NR6A1: variants seen among roughly 807,000 people sequenced by gnomAD.
NR6A1 encodes the protein nuclear receptor subfamily 6 group A member 1.
Under a neutral mutation model 59.1 loss-of-function variants are expected in NR6A1, and 7 were observed. The ratio of observed to expected loss-of-function variants is 0.12; its 90% CI spans 0.07 to 0.22. NR6A1 has a LOEUF of 0.22. Among genes scored for constraint, NR6A1 ranks in the 10% least tolerant of loss-of-function variants. The probability of loss-of-function intolerance (pLI) is 1.00; values close to 1 mark genes in which losing one functional copy is unlikely to be tolerated. For missense variants in NR6A1, 468 were observed against 611.6 expected (o/e 0.77, Z 2.48); for synonymous variants, 243 against 236.1 (o/e 1.03, Z -0.27).
Position 124,553,549 on chromosome 9 carries a change from C to CTTTTTTTTTT in NR6A1, c.385+769_385+778dup, listed in dbSNP as rs780925768. On this transcript the variant is annotated intron_variant, in intron 3 of 9. Coordinates refer to ENST00000487099, the MANE Select transcript of NR6A1 (RefSeq NM_033334.4). ...GAAATCACCCTGCTTTTTAGCTTGACTTTTTTTTTTTTTTTTTTTTTTTTT... is the reference window on the plus strand; with the variant it reads ...GAAATCACCCTGCTTTTTAGCTTGACTTTTTTTTTTTTTTTTTTTTTTTTTTTTTTTTTTT... 5.4e-3 allele frequency among the ~76,000 whole-genome samples: 256 copies of CTTTTTTTTTT among 47,348 alleles called. 3 individuals are homozygous for CTTTTTTTTTT. Among genetic ancestry groups the CTTTTTTTTTT allele is most frequent in the African/African-American group, 9.3e-3 (120 of 12,870 alleles). The allele number at this position is 47,348 out of a possible 152,430, so 31.1% of individuals were successfully genotyped here. A position where few individuals can be genotyped will look rare whatever the true frequency, so the allele number is the denominator to read the frequency against.
intron 2 of NR6A1, among the ~76,000 whole-genome samples, chr9:124,713,096 G>T (rs1292933393): frequency 6.6e-6 from 1 of 152,088 alleles, no homozygotes; most frequent in Non-Finnish European, 1.5e-5. Flanking sequence ...AGGGAGCCCA[G>T]TACTAAACCC....
intron 2 of NR6A1, among the ~76,000 whole-genome samples, chr9:124,637,802 T>C (rs1028020992): frequency 3.5e-5 from 5 of 143,390 alleles, no homozygotes; most frequent in African/African-American, 1.3e-4. Context: ...TGAGGCACGA[T>C]AATTGCTTGA....
intron 2 of NR6A1, among the ~76,000 whole-genome samples, chr9:124,665,956 C>T (rs10986391): frequency 0.49 from 73,997 of 151,968 alleles, 18,178 homozygotes; most frequent in Admixed American, 0.59. Flanking sequence ...GTAAAGTACA[C>T]GCATTTGCCA....
At chr9:124,700,515 C>G (rs1043441607) in intron 2 of NR6A1, among the ~76,000 whole-genome samples, 40 of 152,004 alleles carry the variant, frequency 2.6e-4, no homozygotes, top group Non-Finnish European at 4.9e-4. Context: ...GCCACCACGC[C>G]CAGTGAAGTT....
intron 2 of NR6A1, among the ~76,000 whole-genome samples, chr9:124,681,918 G>A (rs35831762): frequency 4.6e-5 from 7 of 152,026 alleles, no homozygotes; most frequent in Non-Finnish European, 1.0e-4. Context: ...TAATAAAATC[G>A]AGTATGAAAA....
At chr9:124,657,318 T>G (rs567719795) in intron 2 of NR6A1, among the ~76,000 whole-genome samples, 226 of 152,158 alleles carry the variant, frequency 1.5e-3, no homozygotes, top group Non-Finnish European at 2.7e-3. Flanking sequence ...AAGAGACAGA[T>G]GGAATTATTT....
intron 2 of NR6A1, among the ~76,000 whole-genome samples, chr9:124,646,894 A>G (rs1836943702): frequency 6.6e-6 from 1 of 152,208 alleles, no homozygotes; most frequent in Non-Finnish European, 1.5e-5. Flanking sequence ...AACTTACCAA[A>G]ACAAAAAGTT....
At chr9:124,649,729 A>T (rs1837043682) in intron 2 of NR6A1, among the ~76,000 whole-genome samples, 1 of 152,196 alleles carries the variant, frequency 6.6e-6, no homozygotes, top group Non-Finnish European at 1.5e-5. Context: ...GAATAACTAA[A>T]TATACACGGA....
intron 2 of NR6A1, among the ~76,000 whole-genome samples, chr9:124,674,493 T>C (rs1186550022): frequency 6.6e-6 from 1 of 152,064 alleles, no homozygotes; most frequent in African/African-American, 2.4e-5. Flanking sequence ...AATAAGTATC[T>C]ATCTTACTGG....
intron 2 of NR6A1, among the ~76,000 whole-genome samples, chr9:124,701,776 T>C (rs1388527081): frequency 6.6e-6 from 1 of 152,218 alleles, no homozygotes; most frequent in South Asian, 2.1e-4. Context: ...CAGGCTGCAA[T>C]GCAGTGGCAC....
At position 124,688,726 on chromosome 9, in the gene NR6A1, T is replaced by TCC. The variant is rs556394793; in HGVS notation, c.142+44580_142+44581dup. On this transcript the variant is annotated intron_variant, in intron 2 of 9. Transcript: ENST00000487099. Reference sequence around the variant, plus strand: ...CTGCTCTATAGCTATGGTCAGAATTTCCTAATCTGAAGTTCACAGACAAAC... The same window carrying TCC: ...CTGCTCTATAGCTATGGTCAGAATTTCCCCTAATCTGAAGTTCACAGACAAAC... Among the ~76,000 whole-genome samples, 40 of 152,336 alleles carry TCC rather than the reference T, an allele frequency of 2.6e-4. 1 individual carries two copies. The South Asian group carries it at 8.1e-3, about 31-fold the overall frequency.
chr9:124,633,161 T>C (rs1836495035), intron 2 of NR6A1, among the ~76,000 whole-genome samples: 1 of 152,064 alleles, frequency 6.6e-6, no homozygotes, highest in Non-Finnish European at 1.5e-5. Context: ...TCCCAGCTCT[T>C]TGGGAGGCCA....
At chr9:124,577,202 C>T (rs1273853868) in intron 2 of NR6A1, among the ~76,000 whole-genome samples, 1 of 152,186 alleles carries the variant, frequency 6.6e-6, no homozygotes, top group African/African-American at 2.4e-5. Context: ...TGAAAATACA[C>T]TCAGTGCAAT....
intron 2 of NR6A1, among the ~76,000 whole-genome samples, chr9:124,587,861 G>T (rs147904223): frequency 2.6e-5 from 4 of 152,264 alleles, no homozygotes; most frequent in African/African-American, 9.6e-5. Flanking sequence ...TAAGGCGCTG[G>T]ATCAATAATT....
chr9:124,593,774 G>A (rs898396505), intron 2 of NR6A1, among the ~76,000 whole-genome samples: 3 of 152,130 alleles, frequency 2.0e-5, no homozygotes, highest in South Asian at 2.1e-4. Flanking sequence ...CTTGAAGTGT[G>A]CACAATGGCC....
At chr9:124,526,638 G>T in intron 8 of NR6A1, 141 bp downstream of exon 8, 1 of 1,253,858 alleles carries the variant, frequency 8.0e-7, no homozygotes, top group Non-Finnish European at 1.1e-6. Flanking sequence ...GGGTGCACAA[G>T]TCTTCCTGGA....
intron 2 of NR6A1, among the ~76,000 whole-genome samples, chr9:124,723,925 TA>T (rs1286464352): frequency 1.3e-5 from 2 of 152,106 alleles, no homozygotes; most frequent in African/African-American, 4.8e-5. Context: ...TTGGCTTGCA[TA>T]AAAAAACTAA....
chr9:124,589,260 C>T (rs1315291435), intron 2 of NR6A1, among the ~76,000 whole-genome samples: 4 of 152,068 alleles, frequency 2.6e-5, no homozygotes, highest in Non-Finnish European at 5.9e-5. Context: ...TTCTGGCTAA[C>T]ACGGTGAAAC....
chr9:124,688,532 A>G (rs1175008477), intron 2 of NR6A1, among the ~76,000 whole-genome samples: 1 of 152,216 alleles, frequency 6.6e-6, no homozygotes, highest in African/African-American at 2.4e-5. Context: ...AAGTCTAAAT[A>G]ATTACTTTTC....
Sources: allele counts gnomAD v4.1 joint callset (sites outside exome capture counted in the v4.1 genomes callset), GRCh38; gene constraint gnomAD v4.1.1; transcripts MANE v1.5; gene names NCBI Gene and HGNC (gene_info 2026-07-23, HGNC 2026-07-21).